IGF2R: variants seen among roughly 807,000 people sequenced by gnomAD.
IGF2R encodes the protein cation-independent mannose-6-phosphate receptor.
A neutral mutation model predicts 270.6 loss-of-function variants in IGF2R; 91 were observed. The observed-to-expected ratio is 0.34, with a 90% CI of 0.28 to 0.40. The LOEUF is 0.40. Among genes scored for constraint, IGF2R ranks in the 10% least tolerant of loss-of-function variants. The pLI is 1.00. For synonymous variants in IGF2R, 1,316 were observed against 1,258.9 expected (o/e 1.05, Z -0.96); for missense variants, 2,805 against 3,188.3 (o/e 0.88, Z 2.90).
chr6:160,074,004 T>C, intron 35 of IGF2R, 29 bp downstream of exon 35: 1 of 1,538,246 alleles, frequency 6.5e-7, no homozygotes, highest in Non-Finnish European at 8.9e-7. Context: ...AGGGTGGAGA[T>C]AATTTTTGCA....
In IGF2R at chr6:159,969,170, G is replaced by C. The variant is rs1462835044; in HGVS notation, c.-77G>C. On this transcript the variant is annotated 5_prime_UTR_variant, in exon 1 of 48. Transcript: ENST00000356956. Reference sequence around the variant, plus strand: ...ACCTCCGCCTTTGCCCTGGCGGCGCGACCCCGTCCCGGGCGCGGCCCCCAG... The same window carrying C: ...ACCTCCGCCTTTGCCCTGGCGGCGCCACCCCGTCCCGGGCGCGGCCCCCAG... 1.1e-6 allele frequency: 1 copy of C among 883,218 alleles called. No homozygotes were observed. The highest frequency in any genetic ancestry group is 1.4e-6 in the Non-Finnish European group (1 of 737,924). 54.7% of individuals were successfully genotyped at this position (883,218 alleles called of 1,614,324 possible).
Position 160,088,038 on chromosome 6 carries a change from A to G in IGF2R, c.6211A>G (p.Lys2071Glu). The part of the protein sequence containing the change: ...HTQKLGVIGD[K>E]VVVTYSKGYP... The stretch of plus-strand genomic sequence containing the variant: ...CAATCATTTGTGTGTTTCAGGTGAC[A>G]AAGTTGTTGTCACGTACTCCAAAGG... The change falls in exon 42 of 48, where the codon AAA (lysine) becomes GAA (glutamate). Residue 2071 changes from lysine to glutamate, a missense_variant. By Grantham distance (56) the Lys-to-Glu change is moderately conservative (BLOSUM62 1). This residue lies in a region of IGF2R where 1,851 missense variants were observed against 2,207.2 expected (regional missense o/e 0.84). Coordinates refer to ENST00000356956, the MANE Select transcript of IGF2R (RefSeq NM_000876.4). 2 of 1,602,572 alleles carry G rather than the reference A, an allele frequency of 1.2e-6. No homozygotes were observed. Among genetic ancestry groups the G allele is most frequent in the Non-Finnish European group, 1.7e-6 (2 of 1,169,450 alleles).
At position 160,090,061 on chromosome 6, in the gene IGF2R, C is replaced by G; in HGVS notation, c.6613C>G (p.Arg2205Gly). The G allele has an allele frequency of 6.3e-7, 1 of 1,584,346 alleles. No homozygotes were observed. The highest frequency in any genetic ancestry group is 8.6e-7 in the Non-Finnish European group (1 of 1,165,026). ...QVKPNDQHFS[R>G]KVGTSDKTKY... is the part of the protein sequence containing the mutation. ...GAAGCCCAACGATCAGCACTTCAGT[C>G]GGAAAGTTGGAACCTCTGACAAGAC... Residue 2205 changes from arginine to glycine, a missense_variant, in exon 44 of 48, where the codon CGG becomes GGG. Physicochemically the swap from Arg to Gly is moderately radical, Grantham distance 125 (BLOSUM62 -2). This residue lies in a region of IGF2R where 1,851 missense variants were observed against 2,207.2 expected (regional missense o/e 0.84). Coordinates refer to ENST00000356956, the MANE Select transcript of IGF2R (RefSeq NM_000876.4).
chr6:160,079,002 G>C (rs1015013845), intron 37 of IGF2R, among the ~76,000 whole-genome samples: 1 of 152,218 alleles, frequency 6.6e-6, no homozygotes, highest in Non-Finnish European at 1.5e-5. Context: ...CTGGACTGGG[G>C]TACGGAACCC....
At chr6:160,048,766 T>A (rs887532288) in intron 18 of IGF2R, among the ~76,000 whole-genome samples, 5 of 152,258 alleles carry the variant, frequency 3.3e-5, no homozygotes, top group Non-Finnish European at 7.3e-5. Context: ...TGTTGCAGAC[T>A]TTTGATCACA....
At chr6:160,079,474 T>C (rs1002714228) in intron 37 of IGF2R, 106 bp from the exon 38 acceptor site, 22 of 766,796 alleles carry the variant, frequency 2.9e-5, no homozygotes, top group Non-Finnish European at 4.1e-5. Context: ...GTCTTTGCTC[T>C]TCCTCATGAA....
rs145532751 is a variant in IGF2R, at chr6:160,027,273, T to C, written c.735T>C (p.Val245=). The change falls in exon 6 of 48, where the codon GTT becomes GTC. Residue 245 remains valine (V), a synonymous_variant. Coordinates refer to ENST00000356956, the MANE Select transcript of IGF2R (RefSeq NM_000876.4). ...TAAGAGGACACCAGGCGTTTGATGT[T>C]GGCCAGCCCCGGGACGGACTGAAGC... ...CLVRGHQAFD[V]GQPRDGLKLV... The C allele has an allele frequency of 1.2e-6, 2 of 1,614,000 alleles. No individual in the cohort carries two copies. Among genetic ancestry groups the C allele is most frequent in the African/African-American group, 2.7e-5 (2 of 74,940 alleles).
intron 2 of IGF2R, 56 bp downstream of exon 2, chr6:159,991,379 A>G: frequency 3.2e-6 from 5 of 1,549,242 alleles, no homozygotes; most frequent in African/African-American, 1.4e-5. Flanking sequence ...CAATTTTGCA[A>G]AAATGACTGT....
In IGF2R at chr6:160,061,646, G is replaced by C. The variant is rs749788190; in HGVS notation, c.3406G>C (p.Gly1136Arg). ...NPLPYIPGCQ[G>R]SAVGSCLVSE... ...TCTCCCTTACATTCCTGGATGCCAG[G>C]GTGAGTTCTCCTTGGTCTCTTGATT... The change falls in exon 24 of 48, where the codon GGC becomes CGC. Residue 1136 changes from glycine (G) to arginine (R), a missense_variant and splice_region_variant. By Grantham distance (125) the Gly-to-Arg change is moderately radical (BLOSUM62 -2). Transcript: ENST00000356956. The C allele has an allele frequency of 6.2e-7, 1 of 1,614,106 alleles. No individual in the cohort carries two copies. Among genetic ancestry groups the C allele is most frequent in the Non-Finnish European group, 8.5e-7 (1 of 1,180,020 alleles).
chr6:160,094,379 G>C (rs1329715321), intron 44 of IGF2R: 7 of 212,776 alleles, frequency 3.3e-5, no homozygotes, highest in Non-Finnish European at 5.7e-5. Context: ...CCTTCCCTCT[G>C]GCGAGTCTGC....
intron 4 of IGF2R, among the ~76,000 whole-genome samples, chr6:160,011,334 A>T (rs1190465310): frequency 6.6e-6 from 1 of 152,112 alleles, no homozygotes; most frequent in Admixed American, 6.5e-5. Flanking sequence ...CTCAGAGACT[A>T]GATTACTAGG....
intron 42 of IGF2R, 123 bp downstream of exon 42, chr6:160,088,270 T>G (rs1000271595): frequency 2.7e-5 from 19 of 692,744 alleles, no homozygotes; most frequent in Non-Finnish European, 4.7e-5. Flanking sequence ...AGCCGCTGAT[T>G]GTGCTGTATT....
chr6:160,089,878 G>C lies in IGF2R; in HGVS notation c.6468-38G>C, dbSNP rs759251447. 3.5e-6 allele frequency: 5 copies of C among 1,434,938 alleles called. No homozygotes were observed. In the South Asian group the frequency reaches 6.9e-5, roughly 20 times the overall value. The allele number at this position is 1,434,938 out of a possible 1,614,324, so 88.9% of individuals were successfully genotyped here. A position where few individuals can be genotyped will look rare whatever the true frequency, so the allele number is the denominator to read the frequency against. On this transcript the variant is annotated intron_variant, in intron 43 of 47. Transcript: ENST00000356956. The stretch of plus-strand genomic sequence containing the variant: ...TTTATGTCATGAATGCCTTCTTGAA[G>C]GACTTCCATGTCACTGTGATCTTTT...
At chr6:160,058,470 CTATAA>C (rs1404738075) in intron 21 of IGF2R, among the ~76,000 whole-genome samples, 4 of 152,162 alleles carry the variant, frequency 2.6e-5, no homozygotes, top group African/African-American at 9.7e-5. Context: ...ATTTTTACAA[CTATAA>C]TATAATAATT....
intron 16 of IGF2R, 138 bp downstream of exon 16, chr6:160,047,474 A>G (rs1482448975): frequency 1.4e-5 from 10 of 732,274 alleles, no homozygotes; most frequent in Non-Finnish European, 2.2e-5. Context: ...GTGCCTGGGC[A>G]GTATTAGTAT....
In IGF2R at chr6:160,034,448, AT is replaced by A; in HGVS notation, c.1245del (p.Phe415LeufsTer13). 6.2e-7 allele frequency: 1 copy of A among 1,609,150 alleles called. No homozygotes were observed. Among genetic ancestry groups the A allele is most frequent in the Non-Finnish European group, 8.5e-7 (1 of 1,175,626 alleles). On this transcript the variant is annotated frameshift_variant, in exon 10 of 48. Transcript: ENST00000356956. LOFTEE classifies it high-confidence loss of function. ...TCGGATGGAGACCTCACCTTGATAT[AT>A]TTTGGAGGTGATGAATGCAGCTCAG... ...RYSDGDLTLI[Y>X]FGGDECSSGF...
chr6:159,974,256 C>T (rs1469400682), intron 1 of IGF2R, among the ~76,000 whole-genome samples: 1 of 134,344 alleles, frequency 7.4e-6, no homozygotes, highest in African/African-American at 2.5e-5. Context: ...AAAGGAACAT[C>T]TTTTCTTGTA....
intron 4 of IGF2R, among the ~76,000 whole-genome samples, chr6:160,022,171 A>G (rs1777453345): frequency 6.6e-6 from 1 of 152,220 alleles, no homozygotes; most frequent in Non-Finnish European, 1.5e-5. Context: ...CTCACTTATA[A>G]GTGGGAACTA....
chr6:160,080,006 A>T (rs1778942909), intron 38 of IGF2R, 123 bp from the exon 39 acceptor site: 15 of 1,227,188 alleles, frequency 1.2e-5, no homozygotes, highest in Non-Finnish European at 1.7e-5. Flanking sequence ...TGGCAGGTGA[A>T]TGCCGGTTGT....
Sources: gnomAD v4.1 joint callset for allele counts (sites outside exome capture counted in the v4.1 genomes callset) on GRCh38, gnomAD v4.1.1 for gene constraint, gnomAD v4.1.1 regional missense constraint, MANE v1.5 for transcripts, NCBI Gene and HGNC (gene_info 2026-07-23, HGNC 2026-07-21) for gene names.